NUP160: variants seen among roughly 807,000 people sequenced by gnomAD.
NUP160 encodes nuclear pore complex protein Nup160.
A neutral mutation model predicts 196.9 loss-of-function variants in NUP160; 94 were observed. The observed-to-expected ratio is 0.48, with a 90% CI of 0.40 to 0.57. The LOEUF (loss-of-function observed/expected upper bound fraction) is 0.57. Ranked by LOEUF, NUP160 falls within the 20% of genes least tolerant of loss-of-function variation. The pLI is 0.00. For synonymous variants in NUP160, 605 were observed against 619.7 expected, an observed-to-expected ratio of 0.98 and a Z score of 0.35; for missense variants, 1,638 against 1,748.3, an observed-to-expected ratio of 0.94 and a Z score of 1.13.
intron 22 of NUP160, among the ~76,000 whole-genome samples, chr11:47,802,967 C>T (rs563483048): frequency 2.0e-5 from 3 of 151,996 alleles, no homozygotes; most frequent in Non-Finnish European, 4.4e-5. Flanking sequence ...GTCTGGGTGA[C>T]AGAGCAAGAC....
At chr11:47,821,779 C>G in exon 9 of NUP160, 2 of 1,613,968 alleles carry the variant, frequency 1.2e-6, no homozygotes, top group Non-Finnish European at 1.7e-6. Flanking sequence ...TGCCACAGGG[C>G]CCAGATATCC....
intron 13 of NUP160, among the ~76,000 whole-genome samples, chr11:47,814,165 C>CAAAA (rs35462011): frequency 4.7e-4 from 69 of 147,900 alleles, no homozygotes; most frequent in East Asian, 9.9e-4. Flanking sequence ...AACAAACAAA[C>CAAAA]AAAAAAAAGA....
intron 27 of NUP160, among the ~76,000 whole-genome samples, chr11:47,793,764 G>A (rs1466113419): frequency 5.6e-5 from 3 of 53,878 alleles, no homozygotes; most frequent in African/African-American, 2.2e-4. Context: ...TTTTGAGACG[G>A]AGTTTTGTTC....
intron 13 of NUP160, among the ~76,000 whole-genome samples, chr11:47,814,022 G>A (rs1477042245): frequency 8.0e-6 from 1 of 124,890 alleles, no homozygotes; most frequent in East Asian, 2.6e-4. Context: ...AGTGTGTTGA[G>A]ATCGTGCCAC....
At chr11:47,785,098 A>ATTATTTTTTTTTTTTTTTTTTTTTTTTTT in intron 32 of NUP160, 35 bp from the exon 33 acceptor site, 1 of 1,137,366 alleles carries the variant, frequency 8.8e-7, no homozygotes. Context: ...TGAGTTTCAG[A>ATTATTTTTTTTTTTTTTTTTTTTTTTTTT]TTCTTAATAG....
At chr11:47,800,062 T>C (rs919230229) in intron 23 of NUP160, among the ~76,000 whole-genome samples, 12 of 152,020 alleles carry the variant, frequency 7.9e-5, no homozygotes, top group African/African-American at 2.9e-4. Context: ...GAGACCAGCC[T>C]GGCCAACATG....
rs113273821 is a variant in NUP160, at chr11:47,798,096, T to C, written c.3087-22A>G. The C allele has an allele frequency of 5.2e-5, 81 of 1,554,218 alleles. 1 individual carries two copies. The African/African-American group carries it at 5.6e-4, about 11-fold the overall frequency. On this transcript the variant is annotated intron_variant, in intron 25 of 35. Coordinates refer to ENST00000378460, the Ensembl canonical transcript of NUP160. ...TTGCCTAGAAGGAAAGAAAGGAATA[T>C]GAGGGCAAACTATCTTAGTAGGTTA...
At chr11:47,822,224 G>C in intron 7 of NUP160, 60 bp from the exon 8 acceptor site, 1 of 1,208,560 alleles carries the variant, frequency 8.3e-7, no homozygotes, top group South Asian at 1.3e-5. Context: ...ACTTTTCGAA[G>C]CAAGGGCTAT....
In NUP160 at chr11:47,847,844, T is replaced by A. The variant is rs1358747323; in HGVS notation, c.314+4A>T. 6.2e-7 allele frequency: 1 copy of A among 1,604,838 alleles called. No individual in the cohort carries two copies. The highest frequency in any genetic ancestry group is 1.3e-5 in the African/African-American group (1 of 74,750). On this transcript the variant is annotated splice_donor_region_variant and intron_variant, in intron 2 of 35. Transcript: ENST00000378460. ...AGGGGAGTTTGGCGAACCACAACAC[T>A]TACCAATGAATGAACCTGTTTCTGG...
At chr11:47,848,457 G>A in exon 1 of NUP160, 2 of 1,464,168 alleles carry the variant, frequency 1.4e-6, no homozygotes, top group Non-Finnish European at 1.8e-6. Flanking sequence ...CCTTCGTTGC[G>A]AGGCTTCCAC....
intron 11 of NUP160, among the ~76,000 whole-genome samples, chr11:47,817,263 T>A (rs1342272051): frequency 1.3e-5 from 2 of 151,752 alleles, no homozygotes; most frequent in Non-Finnish European, 2.9e-5. Flanking sequence ...GGATTACAGG[T>A]GTGAGTCACT....
At chr11:47,836,791 G>T in intron 6 of NUP160, 96 bp downstream of exon 6, 1 of 718,504 alleles carries the variant, frequency 1.4e-6, no homozygotes, top group Admixed American at 2.2e-5. Flanking sequence ...CAAACCAATT[G>T]ATCTAATAAT....
chr11:47,830,148 C>A (rs1316051158), intron 7 of NUP160, among the ~76,000 whole-genome samples: 1 of 152,148 alleles, frequency 6.6e-6, no homozygotes, highest in Admixed American at 6.6e-5. Flanking sequence ...AAATGCAAAT[C>A]AAAACCACAA....
intron 32 of NUP160, 149 bp downstream of exon 32, chr11:47,786,304 C>T (rs1375311944): frequency 2.0e-6 from 1 of 496,552 alleles, no homozygotes; most frequent in African/African-American, 1.9e-5. Context: ...ATGATGTCAC[C>T]TTAATTATAA....
intron 17 of NUP160, among the ~76,000 whole-genome samples, chr11:47,810,558 T>C (rs917527903): frequency 6.6e-6 from 1 of 151,740 alleles, no homozygotes; most frequent in Admixed American, 6.6e-5. Context: ...CTTTTTTTTT[T>C]TTTTTGGAGA....
chr11:47,780,539 C>A (rs550521088), intron 34 of NUP160, 92 bp from the exon 35 acceptor site: 287 of 636,272 alleles, frequency 4.5e-4, no homozygotes, highest in East Asian at 4.1e-3. Context: ...AATAAAATAC[C>A]CTTTTTTTTT....
chr11:47,787,485 A>T (rs1565187149), intron 31 of NUP160, among the ~76,000 whole-genome samples: 1 of 147,638 alleles, frequency 6.8e-6, no homozygotes, highest in Non-Finnish European at 1.5e-5. Flanking sequence ...GCTCGAGTGC[A>T]GAGGCGCGAT....
chr11:47,787,297 G>C (rs187327062), intron 31 of NUP160, among the ~76,000 whole-genome samples: 1 of 151,766 alleles, frequency 6.6e-6, no homozygotes, highest in African/African-American at 2.4e-5. Flanking sequence ...CATGTTGGCC[G>C]GGCAGGTCTT....
intron 32 of NUP160, among the ~76,000 whole-genome samples, chr11:47,785,850 A>G (rs568524094): frequency 3.3e-5 from 5 of 152,242 alleles, no homozygotes; most frequent in Non-Finnish European, 7.3e-5. Context: ...CTAAAGTGCT[A>G]TCACTCTAAA....
Sources: allele counts gnomAD v4.1 joint callset (sites outside exome capture counted in the v4.1 genomes callset), GRCh38; gene constraint gnomAD v4.1.1; transcripts MANE v1.5; gene names NCBI Gene and HGNC (gene_info 2026-07-23, HGNC 2026-07-21).